The following PPP3CA variants were observed in gnomAD, a reference collection of about 807,000 sequenced individuals.
PPP3CA encodes CAM-PRP catalytic subunit.
PPP3CA carries 14 observed loss-of-function variants against 66.5 expected under a neutral mutation model. That is an observed-to-expected ratio of 0.21 (90% CI 0.14 to 0.33). PPP3CA has a LOEUF of 0.33. PPP3CA is among the 10% of genes least tolerant of loss of function. The pLI, the probability that PPP3CA is intolerant of heterozygous loss-of-function variation, is 1.00. For synonymous variants in PPP3CA, 232 were observed against 226.2 expected (o/e 1.03, Z -0.23); for missense variants, 317 against 639.5 (o/e 0.50, Z 5.44).
intron 11 of PPP3CA, among the ~76,000 whole-genome samples, chr4:101,034,351 A>C (rs1038766658): frequency 1.3e-5 from 2 of 152,124 alleles, no homozygotes; most frequent in Non-Finnish European, 2.9e-5. Context: ...TGCCATTTAA[A>C]ATAATAATAA....
At chr4:101,134,420 G>A (rs973136663) in intron 2 of PPP3CA, among the ~76,000 whole-genome samples, 2 of 152,124 alleles carry the variant, frequency 1.3e-5, no homozygotes, top group African/African-American at 4.8e-5. Context: ...TCAAAAAGTG[G>A]GTGAAGGATA....
chr4:101,220,233 G>T (rs538765580), intron 1 of PPP3CA, among the ~76,000 whole-genome samples: 1 of 150,460 alleles, frequency 6.6e-6, no homozygotes, highest in Non-Finnish European at 1.5e-5. Context: ...CAAGGTCAGG[G>T]AACACTTTCT....
chr4:101,189,606 T>A (rs1724525770), intron 2 of PPP3CA, among the ~76,000 whole-genome samples: 1 of 146,572 alleles, frequency 6.8e-6, no homozygotes, highest in Admixed American at 7.2e-5. Context: ...ATTTGTAGAA[T>A]GGAACTGATA....
intron 1 of PPP3CA, among the ~76,000 whole-genome samples, chr4:101,206,081 G>A (rs1360933264): frequency 6.6e-6 from 1 of 152,172 alleles, no homozygotes; most frequent in Non-Finnish European, 1.5e-5. Flanking sequence ...CCACGTTTCA[G>A]TAATGCTTAC....
chr4:101,114,127 T>C (rs1721767015), intron 2 of PPP3CA, among the ~76,000 whole-genome samples: 1 of 152,066 alleles, frequency 6.6e-6, no homozygotes, highest in African/African-American at 2.4e-5. Flanking sequence ...AAAACATAGA[T>C]GCACAATACA....
At chr4:101,053,663 T>C (rs530065449) in intron 10 of PPP3CA, among the ~76,000 whole-genome samples, 1 of 152,188 alleles carries the variant, frequency 6.6e-6, no homozygotes, top group African/African-American at 2.4e-5. Context: ...TTACTCAAAC[T>C]CCTGCCTGTA....
chr4:101,283,855 T>C (rs2583400), intron 1 of PPP3CA, among the ~76,000 whole-genome samples: 47,782 of 152,074 alleles, frequency 0.31, 10,478 homozygotes, highest in African/African-American at 0.59. Flanking sequence ...AGTTCTTAGT[T>C]CCTAAGGCCA....
At chr4:101,214,513 G>A (rs749711260) in intron 1 of PPP3CA, among the ~76,000 whole-genome samples, 1 of 151,976 alleles carries the variant, frequency 6.6e-6, no homozygotes, top group Admixed American at 6.6e-5. Context: ...CTAATGATAG[G>A]CCACCATTCA....
rs867885334 is a variant in PPP3CA at position 101,124,737 on chromosome 4, A to G, written c.260-15659T>C. On this transcript the variant is annotated intron_variant, in intron 2 of 13. Transcript: ENST00000394854. ...AGAAAGAAAGAAAGAGAAAGAAAGA[A>G]AGAAAGAAAGAAAGAAAGAAAGAAA... is the stretch of plus-strand genomic sequence containing the variant. Among the ~76,000 whole-genome samples the G allele has an allele frequency of 7.2e-4, 53 of 74,020 alleles. 1 individual carries two copies. Among genetic ancestry groups the G allele is most frequent in the African/African-American group, 2.3e-3 (38 of 16,720 alleles). The allele number at this position is 74,020 out of a possible 152,430, so 48.6% of individuals were successfully genotyped here.
At chr4:101,058,532 A>T (rs1006502219) in intron 10 of PPP3CA, among the ~76,000 whole-genome samples, 1 of 152,116 alleles carries the variant, frequency 6.6e-6, no homozygotes, top group African/African-American at 2.4e-5. Context: ...TAAAGGGGGA[A>T]TTCAGGGGTC....
chr4:101,094,538 C>A (rs986480614), intron 5 of PPP3CA, among the ~76,000 whole-genome samples: 1 of 152,148 alleles, frequency 6.6e-6, no homozygotes, highest in Non-Finnish European at 1.5e-5. Context: ...TGATAAACTA[C>A]AAGCCTCCTG....
At chr4:101,200,250 C>T (rs1365371106) in intron 1 of PPP3CA, among the ~76,000 whole-genome samples, 2 of 152,126 alleles carry the variant, frequency 1.3e-5, no homozygotes, top group Non-Finnish European at 2.9e-5. Flanking sequence ...CGTGAAAATA[C>T]TAGTGGGATA....
chr4:101,269,761 T>G (rs2850339), intron 1 of PPP3CA, among the ~76,000 whole-genome samples: 29,247 of 152,106 alleles, frequency 0.19, 3,494 homozygotes, highest in East Asian at 0.51. Context: ...CACCTCAATG[T>G]GAACATCATG....
chr4:101,212,142 T>C (rs1043774469), intron 1 of PPP3CA, among the ~76,000 whole-genome samples: 1 of 152,196 alleles, frequency 6.6e-6, no homozygotes, highest in Admixed American at 6.6e-5. Flanking sequence ...ATTTCTTTTA[T>C]TCGACATGCC....
chr4:101,056,199 T>C (rs1728216219), intron 10 of PPP3CA, among the ~76,000 whole-genome samples: 1 of 152,132 alleles, frequency 6.6e-6, no homozygotes, highest in Admixed American at 6.6e-5. Flanking sequence ...AAAATAAGGA[T>C]AATAATAGTA....
chr4:101,140,498 G>C (rs1299458094), intron 2 of PPP3CA, among the ~76,000 whole-genome samples: 1 of 152,132 alleles, frequency 6.6e-6, no homozygotes, highest in Non-Finnish European at 1.5e-5. Context: ...ATTAGGCCTT[G>C]AGGACACTTT....
chr4:101,128,693 G>A (rs1324529162), intron 2 of PPP3CA, among the ~76,000 whole-genome samples: 1 of 152,032 alleles, frequency 6.6e-6, no homozygotes, highest in Non-Finnish European at 1.5e-5. Context: ...GAACTGTGCT[G>A]TGAGGGACAG....
intron 1 of PPP3CA, among the ~76,000 whole-genome samples, chr4:101,255,387 C>T (rs532939663): frequency 6.6e-6 from 1 of 151,828 alleles, no homozygotes; most frequent in African/African-American, 2.4e-5. Context: ...TATTTACATG[C>T]GCTACTTGCA....
intron 3 of PPP3CA, among the ~76,000 whole-genome samples, chr4:101,104,691 A>G (rs929488782): frequency 6.6e-6 from 1 of 152,202 alleles, no homozygotes; most frequent in Admixed American, 6.5e-5. Context: ...CATGCTAACA[A>G]TGTCAGTTTC....
Sources: gnomAD v4.1 joint callset for allele counts (sites outside exome capture counted in the v4.1 genomes callset) on GRCh38, gnomAD v4.1.1 for gene constraint, MANE v1.5 for transcripts, NCBI Gene and HGNC (gene_info 2026-07-23, HGNC 2026-07-21) for gene names.